TFDP1: variants seen among roughly 807,000 people sequenced by gnomAD.
The protein encoded by TFDP1 is DRTF1-polypeptide 1.
TFDP1 carries 6 observed loss-of-function variants against 48.0 expected under a neutral mutation model. That is an observed-to-expected ratio of 0.13 (90% CI 0.07 to 0.25). The LOEUF is 0.25. Among genes scored for constraint, TFDP1 ranks in the 10% least tolerant of loss-of-function variants. The pLI is 1.00. For missense variants in TFDP1, 335 were observed against 543.0 expected (o/e 0.62, Z 3.81); for synonymous variants, 201 against 211.6 (o/e 0.95, Z 0.44).
At chr13:113,606,400 A>G (rs534647162) in intron 2 of TFDP1, among the ~76,000 whole-genome samples, 95 of 152,292 alleles carry the variant, frequency 6.2e-4, no homozygotes, top group Non-Finnish European at 1.1e-3. Context: ...GTGTCCAGTG[A>G]GAACCACTTC....
chr13:113,594,043 C>G (rs1349052842), intron 2 of TFDP1, among the ~76,000 whole-genome samples: 23 of 126,322 alleles, frequency 1.8e-4, no homozygotes, highest in East Asian at 2.5e-4. Flanking sequence ...TCCTCACCCA[C>G]CCAGGTGACA....
intron 3 of TFDP1, among the ~76,000 whole-genome samples, chr13:113,616,257 T>A (rs2048856236): frequency 6.6e-6 from 1 of 151,670 alleles, no homozygotes; most frequent in Admixed American, 6.6e-5. Context: ...GCGTGCACTT[T>A]CGCAGCTGGT....
rs567157305 is a variant in TFDP1, at chr13:113,633,002, G to T, written c.309-118G>T. 16 of 1,288,394 alleles carry T rather than the reference G, an allele frequency of 1.2e-5. No homozygotes were observed. The highest frequency in any genetic ancestry group is 1.5e-5 in the Non-Finnish European group (14 of 927,410). The allele number at this position is 1,288,394 out of a possible 1,614,324, so 79.8% of individuals were successfully genotyped here. A position where few individuals can be genotyped will look rare whatever the true frequency, so the allele number is the denominator to read the frequency against. Reference sequence around the variant, plus strand: ...CTCACGTGTTGGATCTGCTGCGCCCGTGGGACGTGGCCCCTTTTTGTGCAG... The same window carrying T: ...CTCACGTGTTGGATCTGCTGCGCCCTTGGGACGTGGCCCCTTTTTGTGCAG... On this transcript the variant is annotated intron_variant, in intron 5 of 11. Transcript: ENST00000375370. The surrounding 1 kb of genome is among the most constrained non-coding windows in gnomAD (Gnocchi z 4.5).
rs1174494044 is a variant in TFDP1 at position 113,613,849 on chromosome 13, ATG to A, written c.79+2793_79+2794del. Among the ~76,000 whole-genome samples, 3 of 151,222 alleles carry A rather than the reference ATG, an allele frequency of 2.0e-5. No homozygotes were observed. In the South Asian group the frequency reaches 6.3e-4, roughly 32 times the overall value. On this transcript the variant is annotated intron_variant, in intron 3 of 11. Coordinates refer to ENST00000375370, the MANE Select transcript of TFDP1 (RefSeq NM_007111.5). ...TGGGTTGCATATGTGTTGAGTGTGCATGTGTGTTGAGTGTGCATGAGTTGTGT... is the reference window on the plus strand; with the variant it reads ...TGGGTTGCATATGTGTTGAGTGTGCATGTGTTGAGTGTGCATGAGTTGTGT...
At chr13:113,629,945 C>A (rs532758150) in intron 4 of TFDP1, among the ~76,000 whole-genome samples, 1 of 152,214 alleles carries the variant, frequency 6.6e-6, no homozygotes, top group Non-Finnish European at 1.5e-5. Flanking sequence ...CTCCAGCCCC[C>A]TGTACCTGTG....
chr13:113,625,183 C>T (rs1449575760), intron 4 of TFDP1, among the ~76,000 whole-genome samples: 4 of 131,102 alleles, frequency 3.1e-5, no homozygotes, highest in African/African-American at 1.2e-4. Context: ...CTCACGTGTC[C>T]TCAGGTGTCT....
intron 2 of TFDP1, among the ~76,000 whole-genome samples, chr13:113,587,442 G>C (rs2048032214): frequency 6.6e-6 from 1 of 151,846 alleles, no homozygotes; most frequent in Non-Finnish European, 1.5e-5. Flanking sequence ...TGGAAAGTGA[G>C]GTTGTGAACA....
chr13:113,619,549 C>T (rs1051820597), intron 3 of TFDP1, among the ~76,000 whole-genome samples: 2 of 151,804 alleles, frequency 1.3e-5, no homozygotes, highest in Admixed American at 1.3e-4. Context: ...CTGCCACTGC[C>T]CTTTCCAGCC....
intron 2 of TFDP1, among the ~76,000 whole-genome samples, chr13:113,588,423 C>T (rs919636213): frequency 6.6e-6 from 1 of 152,162 alleles, no homozygotes; most frequent in Non-Finnish European, 1.5e-5. Flanking sequence ...AAAACAACTC[C>T]GGAGCTTCCA....
At position 113,611,058 on chromosome 13, in the gene TFDP1, G is replaced by A; in HGVS notation, c.75G>A (p.Gly25=). The change falls in exon 3 of 12, where the codon GGG becomes GGA. Residue 25 remains glycine, a synonymous_variant. Transcript: ENST00000375370. ...KVFIDQNLSP[G]KGVVSLVAVH... is the part of the protein sequence containing the mutation. ...TCATAGACCAGAACCTTAGTCCCGG[G>A]AAAGGTAAGGGCACCTGTTCTGGAC... 1 of 1,613,966 alleles carries A rather than the reference G, an allele frequency of 6.2e-7. No homozygotes were observed. The highest frequency in any genetic ancestry group is 8.5e-7 in the Non-Finnish European group (1 of 1,179,808).
At chr13:113,615,585 C>T (rs962848585) in intron 3 of TFDP1, among the ~76,000 whole-genome samples, 1 of 152,166 alleles carries the variant, frequency 6.6e-6, no homozygotes, top group African/African-American at 2.4e-5. Flanking sequence ...GTGATCCAGG[C>T]TCACTGAGAA....
In TFDP1 at chr13:113,594,345, G is replaced by A. The variant is rs551662003; in HGVS notation, c.12+8496G>A. Among the ~76,000 whole-genome samples, 39 of 146,956 alleles carry A rather than the reference G, an allele frequency of 2.7e-4. 1 individual carries two copies. The highest frequency in any genetic ancestry group is 5.2e-4 in the Non-Finnish European group (35 of 66,952). On this transcript the variant is annotated intron_variant, in intron 2 of 11. Transcript: ENST00000375370. ...CCCAGGTGACAGGTGTGCTGTGCAC[G>A]CGTCCTCAGCTATACACAGGTGTCA...
In TFDP1 at chr13:113,585,823, C is replaced by G. The variant is rs749019232; in HGVS notation, c.-15C>G. 1.3e-6 allele frequency: 2 copies of G among 1,594,448 alleles called. No homozygotes were observed. ...AGGTGAACATTTGTAGCATTGATTT[C>G]CCGGATCTGGTAACATGGCAAAAGA... On this transcript the variant is annotated 5_prime_UTR_variant, in exon 2 of 12. Coordinates refer to ENST00000375370, the MANE Select transcript of TFDP1 (RefSeq NM_007111.5).
chr13:113,622,505 C>T (rs1480327938), intron 3 of TFDP1, among the ~76,000 whole-genome samples: 2 of 152,228 alleles, frequency 1.3e-5, no homozygotes, highest in Non-Finnish European at 2.9e-5. Context: ...TTGTTTAGTT[C>T]TCTCTGCCCG....
chr13:113,636,782 G>GCT, intron 10 of TFDP1, 82 bp downstream of exon 10: 2 of 1,500,320 alleles, frequency 1.3e-6, no homozygotes, highest in African/African-American at 2.8e-5. Context: ...TCCCGGCTCG[G>GCT]GATGTGTCTT....
chr13:113,601,757 CA>C (rs1318197566), intron 2 of TFDP1, among the ~76,000 whole-genome samples: 1 of 151,880 alleles, frequency 6.6e-6, no homozygotes, highest in Non-Finnish European at 1.5e-5. Context: ...ACCCAACAGC[CA>C]AAAGGGAGGA....
chr13:113,630,027 C>T (rs1046761966), intron 4 of TFDP1, among the ~76,000 whole-genome samples: 5 of 152,152 alleles, frequency 3.3e-5, no homozygotes, highest in Admixed American at 6.5e-5. Context: ...GACATCAACT[C>T]CCGGAGAATG....
intron 2 of TFDP1, among the ~76,000 whole-genome samples, chr13:113,591,009 C>CAAA (rs71101595): frequency 0.19 from 11,089 of 59,582 alleles, 1,347 homozygotes; most frequent in African/African-American, 0.28. Flanking sequence ...GACTCTGTCT[C>CAAA]AAAAAAAAAA....
At chr13:113,601,987 C>T (rs572658676) in intron 2 of TFDP1, among the ~76,000 whole-genome samples, 3 of 150,354 alleles carry the variant, frequency 2.0e-5, no homozygotes, top group Admixed American at 1.3e-4. Context: ...AGAGGAGGGA[C>T]GGAGCTACCC....
Sources: gnomAD v4.1 joint callset for allele counts (sites outside exome capture counted in the v4.1 genomes callset) on GRCh38, gnomAD v4.1.1 for gene constraint, Gnocchi (gnomAD v3.1) non-coding constraint, MANE v1.5 for transcripts, NCBI Gene and HGNC (gene_info 2026-07-23, HGNC 2026-07-21) for gene names.